The following ADARB2 variants were observed in gnomAD, a reference collection of about 807,000 sequenced individuals.
The protein encoded by ADARB2 is inactive double-stranded RNA-specific editase B2.
A neutral mutation model predicts 62.2 loss-of-function variants in ADARB2; 25 were observed. That is an observed-to-expected ratio of 0.40 (90% CI 0.29 to 0.56). ADARB2 has a LOEUF of 0.56. ADARB2 is among the 20% of genes least tolerant of loss of function. ADARB2 has a pLI of 0.43. For synonymous variants in ADARB2, 572 were observed against 500.8 expected, an observed-to-expected ratio of 1.14 and a Z score of -1.90; for missense variants, 1,071 against 1,077.4, an observed-to-expected ratio of 0.99 and a Z score of 0.08.
chr10:1,195,050 C>T (rs1199946068), intron 8 of ADARB2, among the ~76,000 whole-genome samples: 1 of 152,210 alleles, frequency 6.6e-6, no homozygotes, highest in Non-Finnish European at 1.5e-5. Flanking sequence ...GGGCTGTTTG[C>T]CTTGAGCCCA....
At chr10:1,519,305 G>A (rs1256004260) in intron 1 of ADARB2, among the ~76,000 whole-genome samples, 2 of 152,176 alleles carry the variant, frequency 1.3e-5, no homozygotes, top group Admixed American at 1.3e-4. Flanking sequence ...ATCTGCATGT[G>A]GTATTGTCAT....
intron 4 of ADARB2, among the ~76,000 whole-genome samples, chr10:1,252,169 TG>T (rs1169764876): frequency 1.2e-4 from 19 of 152,326 alleles, no homozygotes; most frequent in Admixed American, 7.8e-4. Flanking sequence ...TTTCTTATAC[TG>T]TATCTGGTTT....
intron 1 of ADARB2, among the ~76,000 whole-genome samples, chr10:1,591,268 C>G (rs954041977): frequency 6.6e-6 from 1 of 152,202 alleles, no homozygotes; most frequent in East Asian, 1.9e-4. Context: ...GTCCCTGCCT[C>G]GGCCACACTG....
chr10:1,529,473 C>T (rs1832192969), intron 1 of ADARB2, among the ~76,000 whole-genome samples: 2 of 152,318 alleles, frequency 1.3e-5, no homozygotes, highest in South Asian at 4.1e-4. Context: ...GAGACATCTG[C>T]CTGAATCCGC....
chr10:1,394,926 C>G (rs1832598854), intron 1 of ADARB2: 1 of 456,086 alleles, frequency 2.2e-6, no homozygotes, highest in Non-Finnish European at 4.4e-6. Context: ...CTTCCTCTCT[C>G]TCTTTCTTTC....
rs1832460097 is a variant in ADARB2 at position 1,379,149 on chromosome 10, T to C, written c.112A>G (p.Ile38Val). 1 of 1,612,556 alleles carries C rather than the reference T, an allele frequency of 6.2e-7. No homozygotes were observed. Among genetic ancestry groups the C allele is most frequent in the African/African-American group, 1.3e-5 (1 of 75,008 alleles). The change falls in exon 2 of 10, where the codon ATA (isoleucine) becomes GTA (valine). Residue 38 changes from isoleucine (I) to valine (V), a missense_variant. By Grantham distance (29) the Ile-to-Val change is conservative (BLOSUM62 3). Transcript: ENST00000381312. ...RRSKRKDKVS[I>V]LSTFLAPFKH... is the part of the protein sequence containing the mutation. ...AAAGGAGCGAGGAAGGTTGACAATA[T>C]GCTTACTTTATCTGGAAAGAAAAGA...
chr10:1,368,253 A>C lies in ADARB2; in HGVS notation c.188-4336T>G, dbSNP rs929008075. Reference sequence around the variant, plus strand: ...TAAGGCAGAAAATGAAGATTTAAAAAATATTTGCCTTACAAGTTTCTTACA... The same window carrying C: ...TAAGGCAGAAAATGAAGATTTAAAACATATTTGCCTTACAAGTTTCTTACA... On this transcript the variant is annotated intron_variant, in intron 2 of 9. Transcript: ENST00000381312. Among the ~76,000 whole-genome samples, 23 of 146,794 alleles carry C rather than the reference A, an allele frequency of 1.6e-4. 1 individual carries two copies. Among genetic ancestry groups the C allele is most frequent in the African/African-American group, 5.6e-4 (23 of 41,066 alleles).
intron 1 of ADARB2, among the ~76,000 whole-genome samples, chr10:1,474,175 G>A (rs1380798259): frequency 6.6e-6 from 1 of 152,164 alleles, no homozygotes; most frequent in Admixed American, 6.5e-5. Context: ...CACAGTACAC[G>A]TCACATCTGT....
chr10:1,659,112 T>G (rs987757790), intron 1 of ADARB2, among the ~76,000 whole-genome samples: 6 of 148,954 alleles, frequency 4.0e-5, no homozygotes, highest in African/African-American at 1.5e-4. Flanking sequence ...TAACTTCAAA[T>G]AACTGCTCAG....
At chr10:1,731,205 T>C (rs1197972210) in intron 1 of ADARB2, among the ~76,000 whole-genome samples, 1 of 152,216 alleles carries the variant, frequency 6.6e-6, no homozygotes, top group Non-Finnish European at 1.5e-5. Flanking sequence ...GATTCACTCA[T>C]AAACTTGCAG....
chr10:1,240,729 G>A (rs1392612238), intron 5 of ADARB2, among the ~76,000 whole-genome samples: 1 of 152,208 alleles, frequency 6.6e-6, no homozygotes, highest in Non-Finnish European at 1.5e-5. Context: ...CCCAGCTGGT[G>A]GCACAGCACC....
At chr10:1,206,819 C>T (rs910073270) in intron 7 of ADARB2, among the ~76,000 whole-genome samples, 2 of 152,120 alleles carry the variant, frequency 1.3e-5, no homozygotes, top group African/African-American at 2.4e-5. Context: ...ACTGGAGTTC[C>T]AGTTCTTACC....
At chr10:1,575,992 CTAA>C (rs1833008420) in intron 1 of ADARB2, among the ~76,000 whole-genome samples, 5 of 130,432 alleles carry the variant, frequency 3.8e-5, no homozygotes, top group Non-Finnish European at 8.1e-5. Flanking sequence ...CTCAGGGTCA[CTAA>C]AGGGAAGTTC....
intron 4 of ADARB2, among the ~76,000 whole-genome samples, chr10:1,265,544 G>A (rs972681474): frequency 2.1e-5 from 3 of 144,068 alleles, no homozygotes; most frequent in Non-Finnish European, 4.6e-5. Flanking sequence ...CGCCCTGAGC[G>A]GGGGCCCAGG....
Position 1,261,657 on chromosome 10 carries a change from G to T in ADARB2, c.1192+9298C>A, listed in dbSNP as rs987856247. ...TCAGGAAACAACAGGTGCTGGAGAG[G>T]ATGTGGAGAAATAGGAACACTTTTA... On this transcript the variant is annotated intron_variant, in intron 4 of 9. Transcript: ENST00000381312. 2.0e-5 allele frequency among the ~76,000 whole-genome samples: 3 copies of T among 149,732 alleles called. 1 individual carries two copies. The highest frequency in any genetic ancestry group is 7.7e-5 in the African/African-American group (3 of 39,126).
chr10:1,266,999 A>C (rs2131796322), intron 4 of ADARB2, among the ~76,000 whole-genome samples: 1 of 152,240 alleles, frequency 6.6e-6, no homozygotes, highest in East Asian at 1.9e-4. Context: ...CAGAAAATTA[A>C]TAGAGTGTTG....
At chr10:1,355,339 C>T (rs1159732644) in intron 3 of ADARB2, among the ~76,000 whole-genome samples, 1 of 152,216 alleles carries the variant, frequency 6.6e-6, no homozygotes, top group African/African-American at 2.4e-5. Flanking sequence ...TGAGCCCCAG[C>T]CCCACAGAAG....
chr10:1,414,586 C>T (rs1832786205), intron 1 of ADARB2, among the ~76,000 whole-genome samples: 1 of 152,220 alleles, frequency 6.6e-6, no homozygotes, highest in Admixed American at 6.5e-5. Context: ...AAATCACGTG[C>T]TTAATGCAAC....
rs566435401 is a variant in ADARB2 at position 1,245,296 on chromosome 10, T to C, written c.1193-2997A>G. 3.9e-5 allele frequency among the ~76,000 whole-genome samples: 6 copies of C among 152,234 alleles called. No individual in the cohort carries two copies. The South Asian group carries it at 1.0e-3, about 26-fold the overall frequency. On this transcript the variant is annotated intron_variant, in intron 4 of 9. Transcript: ENST00000381312. ...AGTACCACACATTACAAATGAGAAA[T>C]AGGAAGATTTTTATTTATTTACTTA...
Sources: allele counts gnomAD v4.1 joint callset (sites outside exome capture counted in the v4.1 genomes callset), GRCh38; gene constraint gnomAD v4.1.1; transcripts MANE v1.5; gene names NCBI Gene and HGNC (gene_info 2026-07-23, HGNC 2026-07-21).